RABGAP1L: variants seen among roughly 807,000 people sequenced by gnomAD.
The protein encoded by RABGAP1L is RAB GTPase activating protein 1 like, also known as rab GTPase-activating protein 1-like.
RABGAP1L carries 63 observed loss-of-function variants against 137.7 expected under a neutral mutation model. The observed-to-expected ratio is 0.46, with a 90% CI of 0.37 to 0.56. The LOEUF (loss-of-function observed/expected upper bound fraction) is 0.56. Among genes scored for constraint, RABGAP1L ranks in the 20% least tolerant of loss-of-function variants. The pLI is 0.00. For missense variants in RABGAP1L, 1,095 were observed against 1,244.0 expected (o/e 0.88, Z 1.80); for synonymous variants, 431 against 433.7 (o/e 0.99, Z 0.08).
chr1:174,438,300 G>C (rs1170614813), intron 13 of RABGAP1L, among the ~76,000 whole-genome samples: 1 of 152,124 alleles, frequency 6.6e-6, no homozygotes, highest in Admixed American at 6.6e-5. Flanking sequence ...TTTACATATA[G>C]ATTTTAGAAT....
At chr1:174,953,817 A>G (rs1668095063) in intron 19 of RABGAP1L, among the ~76,000 whole-genome samples, 1 of 152,232 alleles carries the variant, frequency 6.6e-6, no homozygotes, top group African/African-American at 2.4e-5. Context: ...ACCTTCTGAA[A>G]GGTCAGAAGG....
chr1:174,470,117 A>G (rs1415237135), intron 13 of RABGAP1L, among the ~76,000 whole-genome samples: 3 of 152,274 alleles, frequency 2.0e-5, no homozygotes, highest in African/African-American at 7.2e-5. Context: ...GCACAGGGCT[A>G]CTACTGCATT....
rs192465895 is a variant in RABGAP1L, at chr1:174,862,872, G to T, written c.2340+50912G>T. Among the ~76,000 whole-genome samples, 3 of 151,338 alleles carry T rather than the reference G, an allele frequency of 2.0e-5. No individual in the cohort carries two copies. In the East Asian group the frequency reaches 5.8e-4, roughly 29 times the overall value. ...AGTTGTTTCACTTTGGTATTTCTTC[G>T]GATTTCTGCATTTTTATGATTAATT... On this transcript the variant is annotated intron_variant, in intron 19 of 25. Coordinates refer to ENST00000681986, the MANE Select transcript of RABGAP1L (RefSeq NM_001366446.1).
chr1:174,280,055 G>GAGAGAGAC (rs1468728341), intron 10 of RABGAP1L, among the ~76,000 whole-genome samples: 1 of 122,542 alleles, frequency 8.2e-6, no homozygotes, highest in Non-Finnish European at 1.6e-5. Flanking sequence ...CCTGGAGAGA[G>GAGAGAGAC]AGAGAGAGAG....
chr1:174,861,814 G>C (rs747135817), intron 19 of RABGAP1L, among the ~76,000 whole-genome samples: 1 of 152,188 alleles, frequency 6.6e-6, no homozygotes, highest in Middle Eastern at 3.4e-3. Flanking sequence ...GTGTTTTGCT[G>C]TTGAGTTATA....
intron 5 of RABGAP1L, chr1:174,245,296 T>C (rs12078222): frequency 0.054 from 8,171 of 152,306 alleles, 709 homozygotes; most frequent in African/African-American, 0.18. Flanking sequence ...GCTCTCAAAC[T>C]CCTGACCTCA....
At chr1:174,269,605 ATATC>A (rs150388988) in intron 7 of RABGAP1L, among the ~76,000 whole-genome samples, 7,033 of 152,270 alleles carry the variant, frequency 0.046, 507 homozygotes, top group African/African-American at 0.16. Flanking sequence ...TCAATAAACA[ATATC>A]TATTATTATG....
At chr1:174,304,780 T>C (rs1477093003) in intron 10 of RABGAP1L, among the ~76,000 whole-genome samples, 1 of 152,160 alleles carries the variant, frequency 6.6e-6, no homozygotes, top group Non-Finnish European at 1.5e-5. Context: ...TCATATTAGT[T>C]AAAAATAATA....
intron 7 of RABGAP1L, among the ~76,000 whole-genome samples, chr1:174,268,993 T>G (rs1482426124): frequency 1.3e-5 from 2 of 152,128 alleles, no homozygotes; most frequent in Non-Finnish European, 2.9e-5. Flanking sequence ...AGTGGCGCAG[T>G]CTCGGCTCAC....
At chr1:174,542,163 G>T (rs1188547625) in intron 13 of RABGAP1L, among the ~76,000 whole-genome samples, 1 of 152,184 alleles carries the variant, frequency 6.6e-6, no homozygotes, top group Non-Finnish European at 1.5e-5. Context: ...GTTTCAGAAG[G>T]AATGGTACCA....
At chr1:174,422,907 A>G (rs918763197) in intron 13 of RABGAP1L, among the ~76,000 whole-genome samples, 8 of 147,000 alleles carry the variant, frequency 5.4e-5, no homozygotes, top group African/African-American at 2.0e-4. Context: ...AGATCATGCC[A>G]CTGCACTTTA....
At chr1:174,518,693 GGAAT>G (rs1663087737) in intron 13 of RABGAP1L, among the ~76,000 whole-genome samples, 1 of 152,164 alleles carries the variant, frequency 6.6e-6, no homozygotes, top group African/African-American at 2.4e-5. Context: ...ACTTCCTTCA[GGAAT>G]GAATGGTGCC....
Position 174,407,718 on chromosome 1 carries a change from T to C in RABGAP1L, c.1710+13573T>C, listed in dbSNP as rs751028396. Among the ~76,000 whole-genome samples the C allele has an allele frequency of 3.7e-4, 57 of 152,288 alleles. 1 individual carries two copies. Among genetic ancestry groups the C allele is most frequent in the Admixed American group, 3.9e-4 (6 of 15,284 alleles). ...TGCAGACTTCAGTGTGTGGTACTTA[T>C]TCAGAATTCAGCTTTTTCTTGTAAT... is the stretch of plus-strand genomic sequence containing the variant. On this transcript the variant is annotated intron_variant, in intron 13 of 25. Coordinates refer to ENST00000681986, the MANE Select transcript of RABGAP1L (RefSeq NM_001366446.1).
At chr1:174,947,853 A>G (rs1274394450) in intron 19 of RABGAP1L, among the ~76,000 whole-genome samples, 1 of 152,254 alleles carries the variant, frequency 6.6e-6, no homozygotes, top group Non-Finnish European at 1.5e-5. Context: ...CTGCTTATAT[A>G]AATAGATTCT....
At chr1:174,610,390 A>AT (rs1165726222) in intron 13 of RABGAP1L, among the ~76,000 whole-genome samples, 1 of 151,380 alleles carries the variant, frequency 6.6e-6, no homozygotes, top group Non-Finnish European at 1.5e-5. Context: ...TGAACTCATC[A>AT]TTTTTTATGG....
intron 1 of RABGAP1L, among the ~76,000 whole-genome samples, chr1:174,181,974 T>C (rs914531856): frequency 1.3e-5 from 2 of 152,196 alleles, no homozygotes; most frequent in African/African-American, 2.4e-5. Flanking sequence ...GGGAGAAATA[T>C]AAATGGTAAT....
Position 174,272,157 on chromosome 1 carries a change from A to G in RABGAP1L, c.987-257A>G, listed in dbSNP as rs139552991. 1.2e-3 allele frequency among the ~76,000 whole-genome samples: 177 copies of G among 152,088 alleles called. 1 individual carries two copies. Among genetic ancestry groups the G allele is most frequent in the African/African-American group, 4.0e-3 (165 of 41,564 alleles). The stretch of plus-strand genomic sequence containing the variant: ...CATATTTTCTTTCAATTAACAACTT[A>G]TGGCCACTTTTATGGTAGTTTCTTA... On this transcript the variant is annotated intron_variant, in intron 7 of 25. Coordinates refer to ENST00000681986, the MANE Select transcript of RABGAP1L (RefSeq NM_001366446.1).
chr1:174,798,716 G>C (rs1014970605), intron 18 of RABGAP1L, among the ~76,000 whole-genome samples: 1 of 152,064 alleles, frequency 6.6e-6, no homozygotes, highest in Non-Finnish European at 1.5e-5. Flanking sequence ...AGAAAACTAA[G>C]ACTCACAAAA....
chr1:174,792,433 A>C (rs1170634819), intron 18 of RABGAP1L, among the ~76,000 whole-genome samples: 1 of 152,196 alleles, frequency 6.6e-6, no homozygotes, highest in African/African-American at 2.4e-5. Flanking sequence ...CTGTCTTTGA[A>C]TATTTTAATT....
Sources: allele counts gnomAD v4.1 joint callset (sites outside exome capture counted in the v4.1 genomes callset), GRCh38; gene constraint gnomAD v4.1.1; transcripts MANE v1.5; gene names NCBI Gene and HGNC (gene_info 2026-07-23, HGNC 2026-07-21).